CCDC171: variants seen among roughly 807,000 people sequenced by gnomAD.
CCDC171 encodes coiled-coil domain containing 171.
Under a neutral mutation model 168.2 loss-of-function variants are expected in CCDC171, and 177 were observed. The observed-to-expected ratio is 1.05, with a 90% CI of 0.93 to 1.19. CCDC171 has a LOEUF of 1.19. Among genes scored for constraint, CCDC171 ranks in the 50% most tolerant of loss-of-function variants. The probability of loss-of-function intolerance (pLI) is 0.00; values close to 1 mark genes in which losing one functional copy is unlikely to be tolerated. For synonymous variants in CCDC171, 687 were observed against 540.8 expected (o/e 1.27, Z -3.75); for missense variants, 1,991 against 1,539.0 (o/e 1.29, Z -4.91).
intron 1 of CCDC171, among the ~76,000 whole-genome samples, chr9:16,043,166 C>G (rs1046295767): frequency 1.3e-5 from 2 of 152,036 alleles, no homozygotes; most frequent in Non-Finnish European, 2.9e-5. Context: ...TATATGGGTT[C>G]TATATAATTG....
At chr9:15,883,508 CAGATG>C (rs1321040597) in intron 24 of CCDC171, among the ~76,000 whole-genome samples, 2 of 152,146 alleles carry the variant, frequency 1.3e-5, no homozygotes, top group African/African-American at 4.8e-5. Context: ...TTAATACTAG[CAGATG>C]AGATATCTTA....
rs114069017 is a variant in CCDC171 at position 15,762,274 on chromosome 9, A to G, written c.2672-15326A>G. Among the ~76,000 whole-genome samples, 330 of 151,996 alleles carry G rather than the reference A, an allele frequency of 2.2e-3. 2 individuals carry two copies. Among genetic ancestry groups the G allele is most frequent in the African/African-American group, 7.4e-3 (307 of 41,462 alleles). On this transcript the variant is annotated intron_variant, in intron 18 of 25. Coordinates refer to ENST00000380701, the MANE Select transcript of CCDC171 (RefSeq NM_173550.4). ...AAAAAAAATCTTCCTTCAAATCTGTACTAAAATATTACAGATATATTTAGA... is the reference window on the plus strand; with the variant it reads ...AAAAAAAATCTTCCTTCAAATCTGTGCTAAAATATTACAGATATATTTAGA...
At chr9:15,571,873 A>C in intron 3 of CCDC171, 114 bp downstream of exon 3, 1 of 892,004 alleles carries the variant, frequency 1.1e-6, no homozygotes, top group Non-Finnish European at 1.7e-6. Context: ...CTTGGGCTTA[A>C]AAAGGAAATT....
intron 11 of CCDC171, among the ~76,000 whole-genome samples, chr9:15,701,244 A>T (rs994743963): frequency 1.3e-5 from 2 of 152,150 alleles, no homozygotes; most frequent in East Asian, 3.9e-4. Context: ...TATGTAGTTT[A>T]ATATAGTCCC....
chr9:15,694,661 C>T (rs1296196473), intron 10 of CCDC171, among the ~76,000 whole-genome samples: 1 of 152,280 alleles, frequency 6.6e-6, no homozygotes, highest in East Asian at 1.9e-4. Context: ...CAGTTCAATC[C>T]AGTCCAATCA....
intron 3 of CCDC171, among the ~76,000 whole-genome samples, chr9:16,015,056 T>C (rs1219915993): frequency 6.6e-6 from 1 of 152,090 alleles, no homozygotes; most frequent in Non-Finnish European, 1.5e-5. Flanking sequence ...ACATGGCACA[T>C]GTATACATAT....
chr9:15,625,094 G>C (rs1343425761), intron 7 of CCDC171, among the ~76,000 whole-genome samples: 1 of 152,046 alleles, frequency 6.6e-6, no homozygotes. Context: ...TCATGTGTCT[G>C]TTGGCTGCAT....
intron 6 of CCDC171, among the ~76,000 whole-genome samples, chr9:15,617,578 A>G (rs537495346): frequency 2.4e-4 from 37 of 151,986 alleles, no homozygotes; most frequent in Non-Finnish European, 1.8e-4. Context: ...GGGTTTCACC[A>G]TGTTAGCCAG....
At chr9:15,673,064 C>T (rs891978308) in intron 9 of CCDC171, among the ~76,000 whole-genome samples, 1 of 152,128 alleles carries the variant, frequency 6.6e-6, no homozygotes, top group South Asian at 2.1e-4. Flanking sequence ...TTGAAGAGGT[C>T]CTTCACATCC....
intron 10 of CCDC171, among the ~76,000 whole-genome samples, chr9:15,688,527 A>T (rs2050569715): frequency 6.6e-6 from 1 of 152,228 alleles, no homozygotes; most frequent in Non-Finnish European, 1.5e-5. Context: ...CACCATGATC[A>T]AGTGGGATTT....
At chr9:15,779,582 A>C (rs1158773259) in intron 20 of CCDC171, among the ~76,000 whole-genome samples, 3 of 151,628 alleles carry the variant, frequency 2.0e-5, no homozygotes, top group African/African-American at 7.3e-5. Context: ...GTGTTCTCGA[A>C]CTCCTGACCT....
At chr9:15,809,538 G>A (rs1021536650) in intron 21 of CCDC171, among the ~76,000 whole-genome samples, 1 of 152,052 alleles carries the variant, frequency 6.6e-6, no homozygotes, top group Non-Finnish European at 1.5e-5. Context: ...GTGGGTTCGT[G>A]GTCTCGCTGA....
At chr9:15,833,164 T>C (rs1176437483) in intron 21 of CCDC171, among the ~76,000 whole-genome samples, 1 of 152,076 alleles carries the variant, frequency 6.6e-6, no homozygotes, top group Non-Finnish European at 1.5e-5. Context: ...ATTGTTTTTG[T>C]ACTTTTTAGT....
At chr9:15,820,306 C>T (rs1270129599) in intron 21 of CCDC171, among the ~76,000 whole-genome samples, 1 of 116,030 alleles carries the variant, frequency 8.6e-6, no homozygotes, top group East Asian at 2.2e-4. Flanking sequence ...CAAACACATT[C>T]AAAAGCTAGC....
intron 21 of CCDC171, among the ~76,000 whole-genome samples, chr9:15,786,595 C>T (rs918474844): frequency 9.9e-5 from 15 of 152,218 alleles, no homozygotes; most frequent in Admixed American, 9.8e-4. Context: ...TCTGTCAGGC[C>T]TCTGAGCTGA....
intron 1 of CCDC171, among the ~76,000 whole-genome samples, chr9:16,054,121 G>C (rs924628714): frequency 6.6e-6 from 1 of 152,134 alleles, no homozygotes; most frequent in Non-Finnish European, 1.5e-5. Flanking sequence ...ATTTGAGTGC[G>C]TGGAAAGATA....
intron 6 of CCDC171, among the ~76,000 whole-genome samples, chr9:15,618,993 G>T (rs1055521391): frequency 1.3e-5 from 2 of 152,040 alleles, no homozygotes; most frequent in South Asian, 4.2e-4. Context: ...TGGTCTTTAC[G>T]TTACTGCTAT....
chr9:15,705,906 A>G (rs1375539590), intron 11 of CCDC171, among the ~76,000 whole-genome samples: 2 of 152,196 alleles, frequency 1.3e-5, no homozygotes, highest in South Asian at 2.1e-4. Context: ...TCTATTTTAC[A>G]TTTTAAGTTT....
At chr9:15,971,036 G>A (rs774954428) in intron 25 of CCDC171, among the ~76,000 whole-genome samples, 1 of 151,856 alleles carries the variant, frequency 6.6e-6, no homozygotes, top group Non-Finnish European at 1.5e-5. Flanking sequence ...CAGGGTGGTG[G>A]CATTATTATT....
Sources: gnomAD v4.1 joint callset for allele counts (sites outside exome capture counted in the v4.1 genomes callset) on GRCh38, gnomAD v4.1.1 for gene constraint, MANE v1.5 for transcripts, NCBI Gene and HGNC (gene_info 2026-07-23, HGNC 2026-07-21) for gene names.